DAB1: variants seen among roughly 807,000 people sequenced by gnomAD.
DAB1 encodes DAB adaptor protein 1.
In DAB1, 15 loss-of-function variants were observed where a neutral mutation model predicts 64.6. The ratio of observed to expected loss-of-function variants is 0.23; its 90% CI spans 0.16 to 0.36. The LOEUF (loss-of-function observed/expected upper bound fraction) is 0.36, where lower values mean the gene tolerates loss of function less well. DAB1 is among the 10% of genes least tolerant of loss of function. DAB1 has a pLI of 1.00. For synonymous variants in DAB1, 235 were observed against 251.9 expected, an observed-to-expected ratio of 0.93 and a Z score of 0.64; for missense variants, 596 against 706.7, an observed-to-expected ratio of 0.84 and a Z score of 1.78.
At chr1:58,073,356 T>G (rs1557638258) in intron 5 of DAB1, among the ~76,000 whole-genome samples, 1 of 152,206 alleles carries the variant, frequency 6.6e-6, no homozygotes, top group Non-Finnish European at 1.5e-5. Flanking sequence ...TCTCTGACTC[T>G]ACCCACCCTC....
intron 3 of DAB1, among the ~76,000 whole-genome samples, chr1:58,399,032 C>T (rs1018740183): frequency 6.6e-6 from 1 of 152,184 alleles, no homozygotes; most frequent in Non-Finnish European, 1.5e-5. Context: ...GATTGGGCTA[C>T]AAGTAGGTGC....
intron 7 of DAB1, among the ~76,000 whole-genome samples, chr1:57,600,101 GCC>G (rs1645558905): frequency 6.6e-6 from 1 of 152,028 alleles, no homozygotes; most frequent in African/African-American, 2.4e-5. Flanking sequence ...ATGTCTCTGT[GCC>G]CCCTTAGTGA....
chr1:57,006,978 GT>G (rs1282938891), intron 14 of DAB1, among the ~76,000 whole-genome samples: 1 of 151,934 alleles, frequency 6.6e-6, no homozygotes, highest in Admixed American at 6.6e-5. Flanking sequence ...TCTGTGTTTT[GT>G]TTCTTCCTTT....
intron 4 of DAB1, among the ~76,000 whole-genome samples, chr1:58,230,832 C>T (rs1444502235): frequency 6.6e-6 from 1 of 152,210 alleles, no homozygotes; most frequent in Non-Finnish European, 1.5e-5. Flanking sequence ...CTTAGTCTCT[C>T]TAAGCCTCCC....
chr1:58,437,937 G>T (rs994019140), intron 3 of DAB1, among the ~76,000 whole-genome samples: 1 of 152,174 alleles, frequency 6.6e-6, no homozygotes, highest in Non-Finnish European at 1.5e-5. Context: ...CATGCAGGGG[G>T]ATCACACCTT....
At chr1:57,907,944 C>CACAT (rs1408439414) in intron 5 of DAB1, among the ~76,000 whole-genome samples, 2 of 143,922 alleles carry the variant, frequency 1.4e-5, no homozygotes, top group Non-Finnish European at 3.0e-5. Context: ...CACACACACA[C>CACAT]ATATATATTT....
intron 7 of DAB1, among the ~76,000 whole-genome samples, chr1:57,594,302 T>G (rs2101574799): frequency 6.6e-6 from 1 of 152,328 alleles, no homozygotes; most frequent in African/African-American, 2.4e-5. Context: ...CAAGGCTGCC[T>G]TAGGCTATGT....
intron 7 of DAB1, among the ~76,000 whole-genome samples, chr1:57,555,735 T>G (rs930274590): frequency 6.6e-6 from 1 of 152,158 alleles, no homozygotes; most frequent in Non-Finnish European, 1.5e-5. Flanking sequence ...ACCTACAACT[T>G]GAATGTAGGA....
At chr1:57,723,039 C>A (rs546338436) in intron 6 of DAB1, among the ~76,000 whole-genome samples, 2 of 152,302 alleles carry the variant, frequency 1.3e-5, no homozygotes, top group Admixed American at 1.3e-4. Flanking sequence ...TGGATAAAAA[C>A]CAAGCTCTTT....
At chr1:57,954,943 A>C (rs1336125846) in intron 5 of DAB1, among the ~76,000 whole-genome samples, 2 of 152,148 alleles carry the variant, frequency 1.3e-5, no homozygotes, top group Non-Finnish European at 2.9e-5. Context: ...GAGAGGCAAA[A>C]GACTTAAAGA....
At chr1:57,972,884 C>CT (rs1645832751) in intron 5 of DAB1, among the ~76,000 whole-genome samples, 1 of 152,204 alleles carries the variant, frequency 6.6e-6, no homozygotes, top group African/African-American at 2.4e-5. Context: ...CACACACAAA[C>CT]TAAGCTAGAT....
At chr1:57,699,575 T>G (rs1646883782) in intron 6 of DAB1, among the ~76,000 whole-genome samples, 1 of 152,094 alleles carries the variant, frequency 6.6e-6, no homozygotes, top group Admixed American at 6.6e-5. Context: ...GAGATGTTGT[T>G]TTATAGAAGA....
chr1:57,317,434 G>T (rs1488079198), intron 1 of DAB1, among the ~76,000 whole-genome samples: 3 of 151,662 alleles, frequency 2.0e-5, no homozygotes, highest in Non-Finnish European at 4.4e-5. Flanking sequence ...ACTAATACGT[G>T]TTCTTAAAAC....
chr1:57,171,972 G>T (rs1215830072), intron 2 of DAB1, among the ~76,000 whole-genome samples: 1 of 151,992 alleles, frequency 6.6e-6, no homozygotes, highest in Non-Finnish European at 1.5e-5. Flanking sequence ...TCAAGTTGCC[G>T]GCAGGGTTGG....
At chr1:57,925,313 C>A (rs1323316549) in intron 5 of DAB1, among the ~76,000 whole-genome samples, 2 of 152,174 alleles carry the variant, frequency 1.3e-5, no homozygotes, top group Admixed American at 6.5e-5. Context: ...TCATGAGAAC[C>A]TTTTCAAGCC....
chr1:58,064,717 GTATT>G (rs919250636), intron 5 of DAB1, among the ~76,000 whole-genome samples: 2 of 99,336 alleles, frequency 2.0e-5, no homozygotes, highest in Non-Finnish European at 4.1e-5. Context: ...ATGTATTTAT[GTATT>G]TATTTATTTA....
At chr1:57,347,688 A>G (rs1377596326) in intron 1 of DAB1, among the ~76,000 whole-genome samples, 4 of 152,198 alleles carry the variant, frequency 2.6e-5, no homozygotes, top group African/African-American at 9.6e-5. Flanking sequence ...TTAAATGCCC[A>G]TCCTAAATTC....
chr1:58,119,148 A>G (rs1041647556), intron 5 of DAB1, among the ~76,000 whole-genome samples: 1 of 152,158 alleles, frequency 6.6e-6, no homozygotes, highest in African/African-American at 2.4e-5. Context: ...CAAGCATTGA[A>G]CAAATATTTA....
intron 7 of DAB1, among the ~76,000 whole-genome samples, chr1:57,458,636 T>A (rs1473622788): frequency 1.3e-5 from 2 of 152,128 alleles, no homozygotes; most frequent in Non-Finnish European, 2.9e-5. Context: ...GGACAATGAT[T>A]TATACATTAT....
Sources: allele counts gnomAD v4.1 joint callset (sites outside exome capture counted in the v4.1 genomes callset), GRCh38; gene constraint gnomAD v4.1.1; transcripts MANE v1.5; gene names NCBI Gene and HGNC (gene_info 2026-07-23, HGNC 2026-07-21).